The following SYNDIG1 variants were observed in gnomAD, a reference collection of about 807,000 sequenced individuals.
The protein encoded by SYNDIG1 is synapse differentiation-inducing gene protein 1.
SYNDIG1 carries 9 observed loss-of-function variants against 19.4 expected under a neutral mutation model. The ratio of observed to expected loss-of-function variants is 0.46; its 90% confidence interval spans 0.28 to 0.81. The LOEUF is 0.81. SYNDIG1 is among the 30% of genes least tolerant of loss of function. SYNDIG1 has a pLI of 0.12. For missense variants in SYNDIG1, 311 were observed against 343.3 expected (o/e 0.91, Z 0.74); for synonymous variants, 141 against 145.9 (o/e 0.97, Z 0.24).
intron 1 of SYNDIG1, among the ~76,000 whole-genome samples, chr20:24,532,018 A>G (rs1366121219): frequency 6.6e-6 from 1 of 152,172 alleles, no homozygotes; most frequent in African/African-American, 2.4e-5. Context: ...CTTCCTGAAC[A>G]TCTACTATGT....
chr20:24,569,744 G>A (rs2058110128), intron 2 of SYNDIG1, among the ~76,000 whole-genome samples: 1 of 152,192 alleles, frequency 6.6e-6, no homozygotes, highest in Non-Finnish European at 1.5e-5. Context: ...ATGCTGAAGT[G>A]TTTAGGGGGA....
intron 1 of SYNDIG1, among the ~76,000 whole-genome samples, chr20:24,523,163 G>GAA (rs1312184087): frequency 2.6e-5 from 4 of 152,210 alleles, no homozygotes; most frequent in Non-Finnish European, 4.4e-5. Flanking sequence ...TCCTGGCTGT[G>GAA]AAATCCAGCT....
intron 3 of SYNDIG1, among the ~76,000 whole-genome samples, chr20:24,632,235 T>TTTTTA (rs570091218): frequency 3.2e-4 from 48 of 152,322 alleles, no homozygotes; most frequent in Middle Eastern, 6.8e-3. Flanking sequence ...CGTAATTTAC[T>TTTTTA]TTTTATTTTA....
At chr20:24,548,109 G>A (rs188411273) in intron 2 of SYNDIG1, among the ~76,000 whole-genome samples, 176 of 152,246 alleles carry the variant, frequency 1.2e-3, no homozygotes, top group African/African-American at 4.0e-3. Context: ...AAGCGCTTGG[G>A]GATGGGTCAT....
chr20:24,609,476 G>A (rs2058813338), intron 3 of SYNDIG1, among the ~76,000 whole-genome samples: 1 of 152,154 alleles, frequency 6.6e-6, no homozygotes, highest in Admixed American at 6.5e-5. Flanking sequence ...GTACGTCCCT[G>A]GAAGCTTTGC....
At chr20:24,585,232 G>A (rs531492813) in intron 3 of SYNDIG1, among the ~76,000 whole-genome samples, 7 of 152,338 alleles carry the variant, frequency 4.6e-5, no homozygotes, top group African/African-American at 9.6e-5. Context: ...GTGGGACTGC[G>A]TTCCGAAGAG....
intron 1 of SYNDIG1, among the ~76,000 whole-genome samples, chr20:24,526,214 G>A (rs960769384): frequency 3.3e-5 from 5 of 151,932 alleles, no homozygotes; most frequent in African/African-American, 9.7e-5. Flanking sequence ...TGTACCTATT[G>A]TGAATACTGA....
intron 1 of SYNDIG1, among the ~76,000 whole-genome samples, chr20:24,497,631 G>A (rs1448483154): frequency 6.6e-6 from 1 of 152,238 alleles, no homozygotes; most frequent in African/African-American, 2.4e-5. Flanking sequence ...ATACAGAGGG[G>A]AGGTAAGAAC....
intron 3 of SYNDIG1, among the ~76,000 whole-genome samples, chr20:24,620,640 G>C (rs1234347024): frequency 6.6e-6 from 1 of 152,218 alleles, no homozygotes; most frequent in East Asian, 1.9e-4. Context: ...GGCATTCATA[G>C]GAGGAGACAT....
intron 2 of SYNDIG1, among the ~76,000 whole-genome samples, chr20:24,564,838 AGCT>A (rs1449291780): frequency 1.3e-5 from 2 of 152,232 alleles, no homozygotes; most frequent in African/African-American, 4.8e-5. Flanking sequence ...GAAAGAGGAA[AGCT>A]GCTGCTGTGC....
intron 3 of SYNDIG1, among the ~76,000 whole-genome samples, chr20:24,627,150 G>GGAGAGCGAGAGC (rs59038259): frequency 0.18 from 24,290 of 136,106 alleles, 2,896 homozygotes; most frequent in Admixed American, 0.32. Flanking sequence ...AGAGGGAGAG[G>GGAGAGCGAGAGC]GAGAGCGAGA....
At chr20:24,530,899 C>G (rs1255887419) in intron 1 of SYNDIG1, among the ~76,000 whole-genome samples, 3 of 151,462 alleles carry the variant, frequency 2.0e-5, no homozygotes, top group Non-Finnish European at 4.4e-5. Context: ...ACTTCTGCCT[C>G]CTGAGTTCAA....
intron 3 of SYNDIG1, among the ~76,000 whole-genome samples, chr20:24,605,965 C>T (rs1043500309): frequency 1.3e-5 from 2 of 152,242 alleles, no homozygotes; most frequent in African/African-American, 4.8e-5. Flanking sequence ...TAGAATTTAG[C>T]ATGCCTCCGA....
chr20:24,655,580 G>A (rs1422676267), intron 3 of SYNDIG1, among the ~76,000 whole-genome samples: 3 of 152,222 alleles, frequency 2.0e-5, no homozygotes, highest in Non-Finnish European at 4.4e-5. Context: ...CTCAGAGGTA[G>A]AGAAGTATCC....
At chr20:24,663,652 C>G (rs2059623473) in intron 3 of SYNDIG1, among the ~76,000 whole-genome samples, 3 of 152,204 alleles carry the variant, frequency 2.0e-5, no homozygotes, top group Admixed American at 2.0e-4. Context: ...AGTGGGTACT[C>G]AGATGTGTGA....
intron 1 of SYNDIG1, among the ~76,000 whole-genome samples, chr20:24,521,200 C>G (rs188189248): frequency 2.0e-5 from 3 of 152,176 alleles, no homozygotes; most frequent in African/African-American, 7.2e-5. Flanking sequence ...CCATATTTTG[C>G]GTATTCATTC....
intron 3 of SYNDIG1, among the ~76,000 whole-genome samples, chr20:24,626,171 GA>G: frequency 1.3e-5 from 2 of 149,346 alleles, no homozygotes; most frequent in African/African-American, 5.0e-5. Flanking sequence ...GCAGGGGGCT[GA>G]CCCCCCACCT....
At chr20:24,580,702 C>A (rs1219292849) in intron 2 of SYNDIG1, among the ~76,000 whole-genome samples, 1 of 152,102 alleles carries the variant, frequency 6.6e-6, no homozygotes, top group Non-Finnish European at 1.5e-5. Flanking sequence ...AACAACCATG[C>A]CCACCCCTCA....
At chr20:24,573,554 C>T (rs979385501) in intron 2 of SYNDIG1, among the ~76,000 whole-genome samples, 69 of 152,234 alleles carry the variant, frequency 4.5e-4, no homozygotes, top group African/African-American at 9.4e-4. Context: ...ACAGTATCAT[C>T]GCCAGCTTAC....
Sources: allele counts gnomAD v4.1 joint callset (sites outside exome capture counted in the v4.1 genomes callset), GRCh38; gene constraint gnomAD v4.1.1; transcripts MANE v1.5; gene names NCBI Gene and HGNC (gene_info 2026-07-23, HGNC 2026-07-21).